SLC8A1: variants seen among roughly 807,000 people sequenced by gnomAD.
SLC8A1 encodes solute carrier family 8 member A1.
A neutral mutation model predicts 68.3 loss-of-function variants in SLC8A1; 18 were observed. The observed-to-expected ratio is 0.26, with a 90% CI of 0.18 to 0.39. The LOEUF is 0.39. Ranked by LOEUF, SLC8A1 falls within the 10% of genes least tolerant of loss-of-function variation. The pLI is 1.00. For missense variants in SLC8A1, 985 were observed against 1,156.7 expected, an observed-to-expected ratio of 0.85 and a Z score of 2.15; for synonymous variants, 475 against 415.5, an observed-to-expected ratio of 1.14 and a Z score of -1.74.
intron 2 of SLC8A1, chr2:40,195,843 A>T (rs763448594): frequency 1.3e-5 from 2 of 152,090 alleles, no homozygotes; most frequent in Non-Finnish European, 2.9e-5. Flanking sequence ...GAAGGCACTG[A>T]TGTGAGCTAA....
At chr2:40,175,932 C>A in intron 3 of SLC8A1, 2 of 412,780 alleles carry the variant, frequency 4.8e-6, no homozygotes, top group Non-Finnish European at 4.9e-6. Flanking sequence ...GGAATTAACA[C>A]CTACTTGTGT....
At chr2:40,307,674 A>G (rs1169297804) in intron 2 of SLC8A1, among the ~76,000 whole-genome samples, 1 of 152,194 alleles carries the variant, frequency 6.6e-6, no homozygotes, top group Non-Finnish European at 1.5e-5. Flanking sequence ...TTACATAAGT[A>G]GCCAAGCTCC....
At chr2:40,119,986 C>A (rs991344565) in intron 7 of SLC8A1, among the ~76,000 whole-genome samples, 1 of 152,188 alleles carries the variant, frequency 6.6e-6, no homozygotes, top group South Asian at 2.1e-4. Context: ...TTGCCCAAGT[C>A]ATCTGGTCAA....
intron 2 of SLC8A1, among the ~76,000 whole-genome samples, chr2:40,291,058 G>A (rs983106355): frequency 1.3e-5 from 2 of 152,152 alleles, no homozygotes; most frequent in Admixed American, 6.6e-5. Flanking sequence ...TGGAATTTCT[G>A]GTAGGTGTCT....
At chr2:40,499,934 A>C (rs1189315990) in intron 1 of SLC8A1, among the ~76,000 whole-genome samples, 1 of 152,084 alleles carries the variant, frequency 6.6e-6, no homozygotes, top group African/African-American at 2.4e-5. Flanking sequence ...AGCCACAAGC[A>C]CAAAGCAAAT....
intron 2 of SLC8A1, among the ~76,000 whole-genome samples, chr2:40,212,169 A>C (rs770770228): frequency 2.0e-5 from 3 of 152,146 alleles, no homozygotes; most frequent in Non-Finnish European, 4.4e-5. Flanking sequence ...AGAGAGACAG[A>C]GAAAGAGACA....
intron 1 of SLC8A1, among the ~76,000 whole-genome samples, chr2:40,510,812 A>T (rs905138887): frequency 2.6e-5 from 4 of 152,204 alleles, no homozygotes; most frequent in African/African-American, 9.6e-5. Flanking sequence ...GTAAATAGGC[A>T]TATAAAAGAA....
chr2:40,163,092 T>A (rs1299997792), intron 5 of SLC8A1, among the ~76,000 whole-genome samples: 2 of 152,144 alleles, frequency 1.3e-5, no homozygotes, highest in Non-Finnish European at 1.5e-5. Context: ...TGACTGGAAA[T>A]AATCTATGGA....
At chr2:40,156,697 T>A in intron 6 of SLC8A1, among the ~76,000 whole-genome samples, 1 of 152,204 alleles carries the variant, frequency 6.6e-6, no homozygotes, top group South Asian at 2.1e-4. Flanking sequence ...AACATTTCTA[T>A]TTCAAGCTGC....
intron 2 of SLC8A1, among the ~76,000 whole-genome samples, chr2:40,340,277 A>G (rs1667274648): frequency 6.6e-6 from 1 of 152,118 alleles, no homozygotes; most frequent in African/African-American, 2.4e-5. Context: ...GAAGGGAGTC[A>G]AGGCCAGGTG....
At chr2:40,462,971 A>G (rs1210370704) in intron 1 of SLC8A1, among the ~76,000 whole-genome samples, 2 of 152,130 alleles carry the variant, frequency 1.3e-5, no homozygotes, top group East Asian at 3.9e-4. Flanking sequence ...TTGAGTGACC[A>G]CTAAGCAAGG....
At chr2:40,160,063 G>C (rs887261666) in intron 6 of SLC8A1, among the ~76,000 whole-genome samples, 1 of 152,124 alleles carries the variant, frequency 6.6e-6, no homozygotes, top group Non-Finnish European at 1.5e-5. Flanking sequence ...ATCCAAGGAC[G>C]GGGTTGCTTT....
intron 4 of SLC8A1, among the ~76,000 whole-genome samples, chr2:40,166,244 G>T (rs1057114231): frequency 6.6e-6 from 1 of 152,122 alleles, no homozygotes; most frequent in Non-Finnish European, 1.5e-5. Context: ...GCTGTTGCAG[G>T]GAATGAATGG....
At chr2:40,450,175 C>G (rs1702172509) in intron 1 of SLC8A1, among the ~76,000 whole-genome samples, 1 of 152,160 alleles carries the variant, frequency 6.6e-6, no homozygotes, top group Non-Finnish European at 1.5e-5. Context: ...GCAAGTTTAG[C>G]AAACCCAGGG....
chr2:40,371,604 T>C (rs531074403), intron 2 of SLC8A1, among the ~76,000 whole-genome samples: 70 of 152,256 alleles, frequency 4.6e-4, no homozygotes, highest in South Asian at 1.2e-3. Flanking sequence ...AACTTGCACA[T>C]AGTGAATGCT....
chr2:40,107,054 C>G (rs1350464151), exon 8 of SLC8A1: 1 of 152,042 alleles, frequency 6.6e-6, no homozygotes, highest in Admixed American at 6.6e-5. Flanking sequence ...GAAGTTAGTT[C>G]AGTTAAGAAC....
chr2:40,504,807 A>G (rs1384729933), intron 1 of SLC8A1, among the ~76,000 whole-genome samples: 1 of 151,948 alleles, frequency 6.6e-6, no homozygotes, highest in Non-Finnish European at 1.5e-5. Context: ...ACAGGCAATA[A>G]CAAATGCTGG....
At chr2:40,137,875 A>G (rs981500086) in intron 7 of SLC8A1, among the ~76,000 whole-genome samples, 4 of 152,100 alleles carry the variant, frequency 2.6e-5, no homozygotes, top group Non-Finnish European at 5.9e-5. Context: ...GGAGTCTTTA[A>G]TCAGAACCCC....
Position 40,098,202 on chromosome 2 carries a change from G to T in SLC8A1, c.*17051C>A, listed in dbSNP as rs1206916602. The T allele has an allele frequency of 2.6e-5, 4 of 151,948 alleles. No homozygotes were observed. The East Asian group carries it at 5.8e-4, about 22-fold the overall frequency. 9.4% of individuals were successfully genotyped at this position (151,948 alleles called of 1,614,324 possible). A position where few individuals can be genotyped will look rare whatever the true frequency, so the allele number is the denominator to read the frequency against. ...TCAGTAAGATTGATATTTCCCCACA[G>T]GAATATGGCTGAGTGTACATTGAAT... On this transcript the variant is annotated 3_prime_UTR_variant, in exon 8 of 8. Transcript: ENST00000406785.
Sources: allele counts gnomAD v4.1 joint callset (sites outside exome capture counted in the v4.1 genomes callset), GRCh38; gene constraint gnomAD v4.1.1; transcripts MANE v1.5; gene names NCBI Gene and HGNC (gene_info 2026-07-23, HGNC 2026-07-21).